FGD6: variants seen among roughly 807,000 people sequenced by gnomAD.
The protein encoded by FGD6 is FYVE, RhoGEF and PH domain-containing protein 6.
FGD6 carries 90 observed loss-of-function variants against 149.4 expected under a neutral mutation model. That is an observed-to-expected ratio of 0.60 (90% CI 0.51 to 0.72). The LOEUF is 0.72. Among genes scored for constraint, FGD6 ranks in the 30% least tolerant of loss-of-function variants. The pLI is 0.00. For missense variants in FGD6, 1,437 were observed against 1,684.8 expected (o/e 0.85, Z 2.57); for synonymous variants, 527 against 584.0 (o/e 0.90, Z 1.41).
chr12:95,126,494 T>A (rs1204834781), intron 8 of FGD6: 2 of 550,366 alleles, frequency 3.6e-6, no homozygotes, highest in Non-Finnish European at 6.2e-6. Flanking sequence ...CGTGGGAGGC[T>A]GAGGCAGGTG....
chr12:95,206,594 G>C (rs1323548768), intron 2 of FGD6, among the ~76,000 whole-genome samples: 1 of 152,002 alleles, frequency 6.6e-6, no homozygotes, highest in Non-Finnish European at 1.5e-5. Context: ...GGAGGCTGAA[G>C]GTGGGTGGGG....
Position 95,078,907 on chromosome 12 carries a change from G to GAA in FGD6, c.*2611_*2612dup, listed in dbSNP as rs942230552. ...CCTTATGAATTAAAAGGAGATACCT[G>GAA]AAAAAGGGTTTGATGGAAGCACAGG... On this transcript the variant is annotated 3_prime_UTR_variant, in exon 21 of 21. Coordinates refer to ENST00000343958, the MANE Select transcript of FGD6 (RefSeq NM_018351.4). 6.6e-6 allele frequency: 1 copy of GAA among 152,070 alleles called. No homozygotes were observed. Among genetic ancestry groups the GAA allele is most frequent in the African/African-American group, 2.4e-5 (1 of 41,432 alleles). The allele number at this position is 152,070 out of a possible 1,614,324, so 9.4% of individuals were successfully genotyped here.
chr12:95,213,846 T>C (rs2056739785), intron 1 of FGD6, among the ~76,000 whole-genome samples: 1 of 152,356 alleles, frequency 6.6e-6, no homozygotes. Context: ...TGAATTCAAT[T>C]AATAACTGTG....
chr12:95,139,616 G>A (rs966224668), intron 6 of FGD6, among the ~76,000 whole-genome samples: 12 of 150,932 alleles, frequency 8.0e-5, no homozygotes, highest in Non-Finnish European at 2.9e-5. Flanking sequence ...GATTAAAGGT[G>A]TGAGCCACAG....
rs1208948685 is a variant in FGD6, at chr12:95,078,329, T to C, written c.*3191A>G. Reference sequence around the variant, plus strand: ...TTGACTAAAGTGGATTTCAAACTTTTCAAAAGCTGAGCACAATGGAAGCAC... The same window carrying C: ...TTGACTAAAGTGGATTTCAAACTTTCCAAAAGCTGAGCACAATGGAAGCAC... On this transcript the variant is annotated 3_prime_UTR_variant, in exon 21 of 21. Transcript: ENST00000343958. The C allele has an allele frequency of 1.3e-5, 2 of 152,198 alleles. No individual in the cohort carries two copies. Among genetic ancestry groups the C allele is most frequent in the East Asian group, 3.8e-4 (2 of 5,200 alleles). 9.4% of individuals were successfully genotyped at this position (152,198 alleles called of 1,614,324 possible).
Position 95,080,335 on chromosome 12 carries a change from A to G in FGD6, c.*1185T>C, listed in dbSNP as rs1395092069. The G allele has an allele frequency of 1.3e-5, 2 of 152,084 alleles. No homozygotes were observed. Among genetic ancestry groups the G allele is most frequent in the Non-Finnish European group, 2.9e-5 (2 of 68,002 alleles). The allele number at this position is 152,084 out of a possible 1,614,324, so 9.4% of individuals were successfully genotyped here. On this transcript the variant is annotated 3_prime_UTR_variant, in exon 21 of 21. Transcript: ENST00000343958. ...ATGGCTTTTATCACAGTGTTATTTC[A>G]TTTTCTTCTGCTAATCAACAATTGT... is the stretch of plus-strand genomic sequence containing the variant.
chr12:95,215,301 T>C (rs1332789276), intron 1 of FGD6, among the ~76,000 whole-genome samples: 1 of 152,238 alleles, frequency 6.6e-6, no homozygotes, highest in African/African-American at 2.4e-5. Flanking sequence ...TTTATTTTCT[T>C]AAATTAAACC....
intron 2 of FGD6, among the ~76,000 whole-genome samples, chr12:95,200,520 T>C (rs2056651522): frequency 6.6e-6 from 1 of 152,186 alleles, no homozygotes; most frequent in Admixed American, 6.5e-5. Flanking sequence ...ACTCAATTTC[T>C]TTGCATATAA....
chr12:95,102,234 A>C (rs1295497601), intron 14 of FGD6, among the ~76,000 whole-genome samples: 2 of 151,902 alleles, frequency 1.3e-5, no homozygotes, highest in African/African-American at 4.8e-5. Flanking sequence ...ACTTGAGGTC[A>C]GGAGTTTAAG....
At chr12:95,187,952 G>A (rs954406825) in intron 2 of FGD6, among the ~76,000 whole-genome samples, 4 of 152,032 alleles carry the variant, frequency 2.6e-5, no homozygotes, top group Non-Finnish European at 5.9e-5. Flanking sequence ...ATATAATGAC[G>A]AATTCACAGG....
intron 1 of FGD6, among the ~76,000 whole-genome samples, chr12:95,215,679 A>G (rs1422802017): frequency 6.6e-6 from 1 of 152,248 alleles, no homozygotes; most frequent in African/African-American, 2.4e-5. Flanking sequence ...TAAAATACAA[A>G]AATAGCTTGC....
rs934465628 is a variant in FGD6, at chr12:95,123,480, T to G, written c.3083-9779A>C. ...CACAGATCTCATGATAGATGGTATC[T>G]CCCCAGGTCCCTTTTTAGTGGGAAA... On this transcript the variant is annotated intron_variant, in intron 8 of 20. Transcript: ENST00000343958. 2.0e-5 allele frequency among the ~76,000 whole-genome samples: 3 copies of G among 151,886 alleles called. No individual in the cohort carries two copies. In the South Asian group the frequency reaches 6.2e-4, roughly 32 times the overall value.
intron 14 of FGD6, chr12:95,100,606 CT>C: frequency 2.9e-5 from 14 of 490,654 alleles, no homozygotes; most frequent in Admixed American, 6.8e-5. Context: ...CTGTGGCATT[CT>C]TTTTTCCCAC....
intron 2 of FGD6, among the ~76,000 whole-genome samples, chr12:95,203,473 C>T (rs1182174182): frequency 2.6e-5 from 4 of 152,172 alleles, no homozygotes; most frequent in African/African-American, 4.8e-5. Flanking sequence ...GATCTAATCA[C>T]GCCCATTTAA....
chr12:95,106,853 C>T (rs995953968), intron 13 of FGD6, 101 bp downstream of exon 13: 4 of 916,258 alleles, frequency 4.4e-6, no homozygotes, highest in African/African-American at 3.3e-5. Context: ...AAGATTGTAC[C>T]ACTGCACTCC....
chr12:95,177,067 A>T lies in FGD6; in HGVS notation c.2442-4323T>A, dbSNP rs1310915495. 2.0e-5 allele frequency among the ~76,000 whole-genome samples: 3 copies of T among 152,184 alleles called. 1 individual carries two copies. Among genetic ancestry groups the T allele is most frequent in the Non-Finnish European group, 4.4e-5 (3 of 68,038 alleles). On this transcript the variant is annotated intron_variant, in intron 2 of 20. Transcript: ENST00000343958. ...GGTCTTGAACTCCTGGCCTCAGGTG[A>T]TCTGCCTGCCTCAGCCTCCCAAAAT...
chr12:95,081,604 C>T lies in FGD6; in HGVS notation c.4257-48G>A, dbSNP rs752533756. The T allele has an allele frequency of 5.7e-5, 78 of 1,377,788 alleles. 1 individual carries two copies. The South Asian group carries it at 7.1e-4, about 13-fold the overall frequency. 85.3% of individuals were successfully genotyped at this position (1,377,788 alleles called of 1,614,324 possible). ...AGATTTGTAAAACCTAATCATCTGA[C>T]GTGTGAACACCATATAGATGACAGC... On this transcript the variant is annotated intron_variant, in intron 20 of 20. Transcript: ENST00000343958.
intron 3 of FGD6, among the ~76,000 whole-genome samples, chr12:95,170,052 T>G (rs922056284): frequency 5.3e-5 from 8 of 151,490 alleles, no homozygotes; most frequent in Non-Finnish European, 8.8e-5. Flanking sequence ...ACCTGGAAGG[T>G]GGAGGTTGCA....
chr12:95,191,958 G>A (rs1433180536), intron 2 of FGD6, among the ~76,000 whole-genome samples: 1 of 152,016 alleles, frequency 6.6e-6, no homozygotes, highest in African/African-American at 2.4e-5. Flanking sequence ...GGCTGGTCTC[G>A]AACTCCTGAC....
Sources: gnomAD v4.1 joint callset for allele counts (sites outside exome capture counted in the v4.1 genomes callset) on GRCh38, gnomAD v4.1.1 for gene constraint, MANE v1.5 for transcripts, NCBI Gene and HGNC (gene_info 2026-07-23, HGNC 2026-07-21) for gene names.